The following PLEKHA2 variants were observed in gnomAD, a reference collection of about 807,000 sequenced individuals.
PLEKHA2 encodes pleckstrin homology domain-containing family A member 2.
Under a neutral mutation model 53.2 loss-of-function variants are expected in PLEKHA2, and 28 were observed. The ratio of observed to expected loss-of-function variants is 0.53; its 90% confidence interval spans 0.39 to 0.72. The LOEUF is 0.72. Ranked by LOEUF, PLEKHA2 falls within the 30% of genes least tolerant of loss-of-function variation. The pLI is 0.00. For missense variants in PLEKHA2, 426 were observed against 537.9 expected (o/e 0.79, Z 2.06); for synonymous variants, 193 against 196.4 (o/e 0.98, Z 0.14).
chr8:38,940,443 G>T (rs1302479795), intron 3 of PLEKHA2, among the ~76,000 whole-genome samples: 3 of 151,976 alleles, frequency 2.0e-5, no homozygotes, highest in Non-Finnish European at 4.4e-5. Flanking sequence ...GATGAGATTG[G>T]TGGGTTCTGA....
At position 38,969,349 on chromosome 8, in the gene PLEKHA2, G is replaced by A. The variant is rs554602443; in HGVS notation, c.916-72G>A. ...GTGATCCTGGTTGGGTACTCTTTCT[G>A]GGACTCTGTGATAAACATTGTCTGA... On this transcript the variant is annotated intron_variant, in intron 11 of 11. Coordinates refer to ENST00000617275, the MANE Select transcript of PLEKHA2 (RefSeq NM_021623.2). 6.5e-6 allele frequency: 10 copies of A among 1,530,288 alleles called. 1 individual carries two copies. The African/African-American group carries it at 1.4e-4, about 21-fold the overall frequency. 94.8% of individuals were successfully genotyped at this position (1,530,288 alleles called of 1,614,324 possible).
rs530294701 is a variant in PLEKHA2 at position 38,962,451 on chromosome 8, G to C, written c.837+5065G>C. On this transcript the variant is annotated intron_variant, in intron 10 of 11. Coordinates refer to ENST00000617275, the MANE Select transcript of PLEKHA2 (RefSeq NM_021623.2). ...TGACTCTGTTGGAGAAGACCAACTTGGGGTAATTGGGTGTCTTGGCAAATG... is the reference window on the plus strand; with the variant it reads ...TGACTCTGTTGGAGAAGACCAACTTCGGGTAATTGGGTGTCTTGGCAAATG... Among the ~76,000 whole-genome samples the C allele has an allele frequency of 2.0e-4, 31 of 152,332 alleles. 1 individual carries two copies. In the South Asian group the frequency reaches 5.6e-3, roughly 27 times the overall value.
intron 5 of PLEKHA2, among the ~76,000 whole-genome samples, chr8:38,947,160 AAG>A (rs10555385): frequency 0.43 from 65,025 of 151,950 alleles, 14,043 homozygotes; most frequent in Middle Eastern, 0.48. Flanking sequence ...AACCCGTGAA[AAG>A]AGAGAGTGAT....
chr8:38,969,212 T>G (rs771942964), intron 11 of PLEKHA2, among the ~76,000 whole-genome samples: 29 of 152,144 alleles, frequency 1.9e-4, no homozygotes, highest in Non-Finnish European at 3.7e-4. Flanking sequence ...AGAAACAGAA[T>G]TTCTGATATG....
At chr8:38,961,620 G>A (rs1421215928) in intron 10 of PLEKHA2, among the ~76,000 whole-genome samples, 1 of 152,164 alleles carries the variant, frequency 6.6e-6, no homozygotes, top group Non-Finnish European at 1.5e-5. Flanking sequence ...TTGGTGCTAA[G>A]GTGCTGGCAG....
chr8:38,944,139 A>T (rs1288445557), intron 4 of PLEKHA2, among the ~76,000 whole-genome samples: 2 of 152,100 alleles, frequency 1.3e-5, no homozygotes, highest in African/African-American at 4.8e-5. Context: ...GGGGTACATA[A>T]TGTATAGAGT....
intron 2 of PLEKHA2, among the ~76,000 whole-genome samples, chr8:38,935,175 G>T (rs971472909): frequency 2.6e-5 from 4 of 151,566 alleles, no homozygotes; most frequent in Admixed American, 2.6e-4. Context: ...CACCAAGCCC[G>T]GCTCTATATT....
chr8:38,971,063 A>G lies in PLEKHA2; in HGVS notation c.*1280A>G, dbSNP rs1357254598. The G allele has an allele frequency of 6.6e-6, 1 of 152,212 alleles. No homozygotes were observed. Among genetic ancestry groups the G allele is most frequent in the Non-Finnish European group, 1.5e-5 (1 of 68,038 alleles). The allele number at this position is 152,212 out of a possible 1,614,324, so 9.4% of individuals were successfully genotyped here. A position where few individuals can be genotyped will look rare whatever the true frequency, so the allele number is the denominator to read the frequency against. On this transcript the variant is annotated 3_prime_UTR_variant, in exon 12 of 12. Transcript: ENST00000617275. ...TAAGAGAACTATTTTTACCTGAGTAAATGCTCTCCTCTTCTTGTGTCCAAA... is the reference window on the plus strand; with the variant it reads ...TAAGAGAACTATTTTTACCTGAGTAGATGCTCTCCTCTTCTTGTGTCCAAA...
chr8:38,928,657 G>C (rs1454853367), intron 2 of PLEKHA2, among the ~76,000 whole-genome samples: 1 of 152,166 alleles, frequency 6.6e-6, no homozygotes, highest in East Asian at 1.9e-4. Flanking sequence ...GTCTAAAGCT[G>C]ATACTGGTGT....
intron 10 of PLEKHA2, among the ~76,000 whole-genome samples, chr8:38,967,964 A>G (rs1268301564): frequency 6.6e-6 from 1 of 152,022 alleles, no homozygotes; most frequent in African/African-American, 2.4e-5. Flanking sequence ...CTTGGCCTAC[A>G]CTTTTTAATG....
intron 1 of PLEKHA2, among the ~76,000 whole-genome samples, chr8:38,914,834 G>A (rs1268521586): frequency 6.6e-6 from 1 of 152,232 alleles, no homozygotes; most frequent in African/African-American, 2.4e-5. Context: ...AGGTTGGCTG[G>A]TTTGAAGGTG....
intron 2 of PLEKHA2, among the ~76,000 whole-genome samples, chr8:38,931,694 T>C (rs903817375): frequency 3.9e-5 from 6 of 152,220 alleles, no homozygotes; most frequent in African/African-American, 1.4e-4. Context: ...CATGCAAATA[T>C]TGTTTTCATT....
At chr8:38,942,292 A>G (rs1834626594) in intron 3 of PLEKHA2, among the ~76,000 whole-genome samples, 1 of 152,026 alleles carries the variant, frequency 6.6e-6, no homozygotes, top group South Asian at 2.1e-4. Context: ...TAGTCTAGCT[A>G]CTCAGGAGGG....
intron 3 of PLEKHA2, among the ~76,000 whole-genome samples, chr8:38,941,392 G>A (rs1215830219): frequency 6.6e-6 from 1 of 152,154 alleles, no homozygotes; most frequent in African/African-American, 2.4e-5. Flanking sequence ...ACTTTTTAAT[G>A]TTTCATTGAA....
At chr8:38,930,670 A>G (rs1834375975) in intron 2 of PLEKHA2, among the ~76,000 whole-genome samples, 2 of 152,204 alleles carry the variant, frequency 1.3e-5, no homozygotes, top group South Asian at 4.1e-4. Flanking sequence ...ATGGCACGGC[A>G]TGGCACGGCA....
At chr8:38,957,431 A>C (rs368821214) in intron 10 of PLEKHA2, 45 bp downstream of exon 10, 3 of 1,501,116 alleles carry the variant, frequency 2.0e-6, no homozygotes. Flanking sequence ...TGTTTCTGTG[A>C]ATGGTGCCCT....
At chr8:38,949,132 A>G (rs1304952263) in intron 5 of PLEKHA2, among the ~76,000 whole-genome samples, 1 of 152,040 alleles carries the variant, frequency 6.6e-6, no homozygotes, top group Non-Finnish European at 1.5e-5. Flanking sequence ...CGGCCTCCCA[A>G]AGTGCTGGGA....
intron 4 of PLEKHA2, among the ~76,000 whole-genome samples, 184 bp from the exon 5 acceptor site, chr8:38,945,940 C>T (rs903386330): frequency 6.6e-6 from 1 of 152,076 alleles, no homozygotes; most frequent in African/African-American, 2.4e-5. Context: ...AGAGAGTGAG[C>T]AGGTGTGGCC....
chr8:38,962,919 A>G (rs7015219), intron 10 of PLEKHA2, among the ~76,000 whole-genome samples: 76,696 of 152,014 alleles, frequency 0.5, 19,968 homozygotes, highest in Middle Eastern at 0.66. Context: ...AATCTACACA[A>G]TCGTATGTGG....
Sources: allele counts gnomAD v4.1 joint callset (sites outside exome capture counted in the v4.1 genomes callset), GRCh38; gene constraint gnomAD v4.1.1; transcripts MANE v1.5; gene names NCBI Gene and HGNC (gene_info 2026-07-23, HGNC 2026-07-21).